The following SNX29 variants were observed in gnomAD, a reference collection of about 807,000 sequenced individuals.
SNX29 encodes sorting nexin 29.
In SNX29, 78 loss-of-function variants were observed where a neutral mutation model predicts 102.1. The ratio of observed to expected loss-of-function variants is 0.76; its 90% confidence interval spans 0.64 to 0.92. The LOEUF is 0.92. SNX29 is among the 40% of genes least tolerant of loss of function. SNX29 has a pLI of 0.00. For synonymous variants in SNX29, 580 were observed against 414.5 expected, an observed-to-expected ratio of 1.40 and a Z score of -4.85; for missense variants, 1,280 against 1,061.7, an observed-to-expected ratio of 1.21 and a Z score of -2.86.
At chr16:12,290,034 C>T (rs7189945) in intron 15 of SNX29, among the ~76,000 whole-genome samples, 1 of 151,830 alleles carries the variant, frequency 6.6e-6, no homozygotes, top group Non-Finnish European at 1.5e-5. Context: ...TGAGACAGGG[C>T]GGAGGGAGGG....
chr16:12,236,133 ATC>A (rs1369158689), intron 14 of SNX29, among the ~76,000 whole-genome samples: 2 of 152,162 alleles, frequency 1.3e-5, no homozygotes, highest in African/African-American at 4.8e-5. Flanking sequence ...TTGATTTTAT[ATC>A]TGTTTTCCCA....
At chr16:12,490,653 A>G (rs1210193768) in intron 19 of SNX29, among the ~76,000 whole-genome samples, 1 of 152,224 alleles carries the variant, frequency 6.6e-6, no homozygotes, top group Non-Finnish European at 1.5e-5. Flanking sequence ...CCATACGGTG[A>G]TGATTTTTTA....
At chr16:12,191,244 C>A (rs1398769082) in intron 13 of SNX29, among the ~76,000 whole-genome samples, 3 of 152,126 alleles carry the variant, frequency 2.0e-5, no homozygotes, top group African/African-American at 7.2e-5. Context: ...TGCTTGCTCA[C>A]CGCTCACTCA....
chr16:12,065,253 G>A (rs1475066658), intron 9 of SNX29, among the ~76,000 whole-genome samples: 1 of 152,174 alleles, frequency 6.6e-6, no homozygotes, highest in African/African-American at 2.4e-5. Flanking sequence ...GACCATGCGT[G>A]GTTCCTCTGG....
chr16:12,410,202 G>A (rs2151541988), intron 18 of SNX29, among the ~76,000 whole-genome samples: 1 of 152,230 alleles, frequency 6.6e-6, no homozygotes. Context: ...CGCTGTGTTA[G>A]CCAGGGTGGT....
At chr16:12,441,862 C>G (rs963989108) in intron 18 of SNX29, among the ~76,000 whole-genome samples, 1 of 152,160 alleles carries the variant, frequency 6.6e-6, no homozygotes, top group Admixed American at 6.5e-5. Flanking sequence ...GATCTCAGAT[C>G]CCTGCAACCT....
rs2052790735 is a variant in SNX29, at chr16:12,096,924, G to A, written c.1402+18009G>A. Among the ~76,000 whole-genome samples the A allele has an allele frequency of 6.6e-6, 1 of 152,116 alleles. No individual in the cohort carries two copies. Among genetic ancestry groups the A allele is most frequent in the African/African-American group, 2.4e-5 (1 of 41,404 alleles). ...AGGATAGGGTGGCTGAGGTCCAGAG[G>A]GTCACAGGAGGGAAAGGTTAAGGGC... On this transcript the variant is annotated intron_variant, in intron 11 of 20. Transcript: ENST00000566228. The surrounding 1 kb of genome is among the most constrained non-coding windows in gnomAD (Gnocchi z 4.2).
intron 14 of SNX29, among the ~76,000 whole-genome samples, chr16:12,265,316 C>T (rs888382240): frequency 6.6e-6 from 1 of 152,126 alleles, no homozygotes; most frequent in Non-Finnish European, 1.5e-5. Context: ...CTCTGCTGGG[C>T]TCCATCACAT....
rs540187154 is a variant in SNX29, at chr16:12,570,675, C to T, written c.*2046C>T. 7 of 232,052 alleles carry T rather than the reference C, an allele frequency of 3.0e-5. No individual in the cohort carries two copies. Among genetic ancestry groups the T allele is most frequent in the East Asian group, 1.2e-4 (2 of 16,382 alleles). 14.4% of individuals were successfully genotyped at this position (232,052 alleles called of 1,614,324 possible). A position where few individuals can be genotyped will look rare whatever the true frequency, so the allele number is the denominator to read the frequency against. On this transcript the variant is annotated 3_prime_UTR_variant, in exon 21 of 21. Transcript: ENST00000566228. ...ATTCCCTTGGGCCCAGGCTTATGACCTGCACCTTTTCTGACACCTGCCCCC... is the reference window on the plus strand; with the variant it reads ...ATTCCCTTGGGCCCAGGCTTATGACTTGCACCTTTTCTGACACCTGCCCCC...
intron 20 of SNX29, among the ~76,000 whole-genome samples, chr16:12,551,407 G>T (rs768810722): frequency 1.3e-5 from 2 of 152,112 alleles, no homozygotes; most frequent in Non-Finnish European, 2.9e-5. Flanking sequence ...TTCAAGTTGG[G>T]GTCTCAGCCA....
chr16:12,438,928 G>T (rs1257457184), intron 18 of SNX29, among the ~76,000 whole-genome samples: 1 of 152,210 alleles, frequency 6.6e-6, no homozygotes, highest in African/African-American at 2.4e-5. Flanking sequence ...ACACAGCAGG[G>T]AAGGGGGAGA....
At chr16:12,046,242 C>T (rs2050085005) in intron 5 of SNX29, 142 bp from the exon 6 acceptor site, 7 of 766,094 alleles carry the variant, frequency 9.1e-6, no homozygotes, top group Non-Finnish European at 1.5e-5. Context: ...AGCTGTAAAC[C>T]AGCAGAGACC....
chr16:12,167,862 T>A (rs1055824402), intron 13 of SNX29, among the ~76,000 whole-genome samples: 1 of 152,240 alleles, frequency 6.6e-6, no homozygotes, highest in African/African-American at 2.4e-5. Context: ...CCCATTTGTT[T>A]AGGAATGGTC....
chr16:12,198,640 G>T (rs1310155136), intron 13 of SNX29, among the ~76,000 whole-genome samples: 1 of 152,236 alleles, frequency 6.6e-6, no homozygotes, highest in Non-Finnish European at 1.5e-5. Context: ...AACCAAGTCT[G>T]AATCTCAAAG....
chr16:12,501,328 T>G (rs928970753), intron 19 of SNX29, among the ~76,000 whole-genome samples: 5 of 152,166 alleles, frequency 3.3e-5, no homozygotes, highest in African/African-American at 7.2e-5. Flanking sequence ...TGCTTGAGAT[T>G]AGGAGTTCAA....
chr16:12,027,886 G>C (rs1039420524), intron 4 of SNX29, among the ~76,000 whole-genome samples: 12 of 152,182 alleles, frequency 7.9e-5, no homozygotes, highest in African/African-American at 2.9e-4. Context: ...TGAGTGACAA[G>C]CATAATGCTA....
At chr16:12,519,665 C>G in intron 19 of SNX29, among the ~76,000 whole-genome samples, 1 of 152,182 alleles carries the variant, frequency 6.6e-6, no homozygotes, top group East Asian at 1.9e-4. Flanking sequence ...TGTGGAGATT[C>G]ATTAAAATTT....
intron 19 of SNX29, among the ~76,000 whole-genome samples, chr16:12,488,660 A>T (rs907365547): frequency 6.6e-6 from 1 of 152,116 alleles, no homozygotes; most frequent in African/African-American, 2.4e-5. Context: ...CACTTCCAGG[A>T]CACTGTCATT....
At chr16:12,458,796 G>T (rs966155646) in intron 18 of SNX29, among the ~76,000 whole-genome samples, 1 of 152,160 alleles carries the variant, frequency 6.6e-6, no homozygotes, top group South Asian at 2.1e-4. Context: ...GCAGAGGCAG[G>T]CTCTGGCCAC....
Sources: gnomAD v4.1 joint callset for allele counts (sites outside exome capture counted in the v4.1 genomes callset) on GRCh38, gnomAD v4.1.1 for gene constraint, Gnocchi (gnomAD v3.1) non-coding constraint, MANE v1.5 for transcripts, NCBI Gene and HGNC (gene_info 2026-07-23, HGNC 2026-07-21) for gene names.